Variants in RBFOX1 observed in about 807,000 individuals in gnomAD.
RBFOX1 encodes the protein RNA binding protein fox-1 homolog 1.
A neutral mutation model predicts 57.7 loss-of-function variants in RBFOX1; 8 were observed. The ratio of observed to expected loss-of-function variants is 0.14; its 90% confidence interval spans 0.08 to 0.25. The LOEUF (loss-of-function observed/expected upper bound fraction) is 0.25. RBFOX1 is among the 10% of genes least tolerant of loss of function. The pLI, the probability that RBFOX1 is intolerant of heterozygous loss-of-function variation, is 1.00. For missense variants in RBFOX1, 611 were observed against 548.5 expected (o/e 1.11, Z -1.14); for synonymous variants, 326 against 222.4 (o/e 1.47, Z -4.15).
rs535597374 is a variant in RBFOX1 at position 7,379,538 on chromosome 16, T to C, written c.28-138609T>C. ...AAAATACACTGGAGTTTTAGTACTT[T>C]CTGCTGTCCAGAAATGCATACATAT... On this transcript the variant is annotated intron_variant, in intron 4 of 15. Transcript: ENST00000550418. Among the ~76,000 whole-genome samples the C allele has an allele frequency of 3.9e-5, 6 of 152,352 alleles. No individual in the cohort carries two copies. The East Asian group carries it at 9.7e-4, about 25-fold the overall frequency.
chr16:5,893,334 A>G, intron 4 of RBFOX1, among the ~76,000 whole-genome samples: 1 of 152,244 alleles, frequency 6.6e-6, no homozygotes, highest in East Asian at 1.9e-4. Flanking sequence ...GAAAGAATGA[A>G]TAAGACCTAG....
intron 1 of RBFOX1, among the ~76,000 whole-genome samples, chr16:6,224,608 G>A (rs972536348): frequency 3.3e-5 from 5 of 152,118 alleles, no homozygotes; most frequent in African/African-American, 9.7e-5. Flanking sequence ...CACCTGCTAG[G>A]TCTGCGTATT....
intron 4 of RBFOX1, among the ~76,000 whole-genome samples, chr16:7,319,899 G>C (rs1178194016): frequency 6.6e-6 from 1 of 152,110 alleles, no homozygotes; most frequent in Non-Finnish European, 1.5e-5. Flanking sequence ...CTTGTTAAAA[G>C]ACTGGATGAG....
chr16:7,679,607 CT>C (rs911056481), intron 14 of RBFOX1, among the ~76,000 whole-genome samples: 1 of 152,016 alleles, frequency 6.6e-6, no homozygotes, highest in Non-Finnish European at 1.5e-5. Flanking sequence ...AGGATTTTAC[CT>C]TTTTTCAGCA....
At chr16:7,059,353 C>A (rs1037991378) in intron 4 of RBFOX1, among the ~76,000 whole-genome samples, 1 of 152,118 alleles carries the variant, frequency 6.6e-6, no homozygotes, top group South Asian at 2.1e-4. Context: ...TAGGATGGTT[C>A]GTTGTAGAAA....
intron 2 of RBFOX1, among the ~76,000 whole-genome samples, chr16:6,343,012 A>G (rs1273669119): frequency 2.0e-5 from 3 of 151,954 alleles, no homozygotes; most frequent in Non-Finnish European, 4.4e-5. Context: ...TTGATACGAA[A>G]CTCCATCTGA....
At chr16:6,708,748 C>A (rs149364842) in intron 3 of RBFOX1, among the ~76,000 whole-genome samples, 4 of 152,298 alleles carry the variant, frequency 2.6e-5, no homozygotes, top group African/African-American at 9.6e-5. Flanking sequence ...TCAACTCAGG[C>A]GTCCCTTCGA....
chr16:5,459,017 A>C (rs2068713301), intron 1 of RBFOX1, among the ~76,000 whole-genome samples: 4 of 152,134 alleles, frequency 2.6e-5, no homozygotes, highest in Admixed American at 6.5e-5. Flanking sequence ...GTGATGTTCC[A>C]TATCCCATAT....
Position 7,594,160 on chromosome 16 carries a change from G to A in RBFOX1, c.469-1389G>A, listed in dbSNP as rs137978021. ...CCCGTGACAGGCCCTGGTGTGTGAT[G>A]TTCCCCGCCCTGTGGTCAATACCTC... On this transcript the variant is annotated intron_variant, in intron 7 of 15. Transcript: ENST00000550418. Among the ~76,000 whole-genome samples the A allele has an allele frequency of 5.4e-3, 818 of 150,608 alleles. 9 individuals are homozygous for A. Among genetic ancestry groups the A allele is most frequent in the African/African-American group, 0.019 (776 of 41,084 alleles).
At chr16:6,351,368 A>ATTTTTTTTTTTTTTTTTTTTTTTT (rs1358836868) in intron 2 of RBFOX1, among the ~76,000 whole-genome samples, 1 of 103,858 alleles carries the variant, frequency 9.6e-6, no homozygotes. Flanking sequence ...ATATATATAT[A>ATTTTTTTTTTTTTTTTTTTTTTTT]TATATTTTTT....
chr16:5,493,390 C>T (rs1318894201), intron 2 of RBFOX1, among the ~76,000 whole-genome samples: 2 of 152,074 alleles, frequency 1.3e-5, no homozygotes, highest in East Asian at 1.9e-4. Flanking sequence ...TAAGACAAAC[C>T]CTCCGCACCC....
chr16:7,389,384 C>T (rs1438965035), intron 4 of RBFOX1, among the ~76,000 whole-genome samples: 2 of 152,158 alleles, frequency 1.3e-5, no homozygotes, highest in African/African-American at 2.4e-5. Flanking sequence ...CCTCAGCCTC[C>T]CAAAGCACTT....
At chr16:6,916,105 G>A (rs182909277) in intron 3 of RBFOX1, among the ~76,000 whole-genome samples, 25 of 152,216 alleles carry the variant, frequency 1.6e-4, no homozygotes, top group Admixed American at 7.2e-4. Flanking sequence ...GGGCATAAGC[G>A]CTGTGTACAA....
intron 3 of RBFOX1, among the ~76,000 whole-genome samples, chr16:6,794,412 C>T (rs965291801): frequency 2.0e-5 from 3 of 151,258 alleles, no homozygotes; most frequent in African/African-American, 7.3e-5. Context: ...TAATTACCTG[C>T]TGCTTTTCTA....
intron 1 of RBFOX1, among the ~76,000 whole-genome samples, chr16:6,249,763 AT>A (rs997293806): frequency 3.7e-4 from 34 of 90,672 alleles, no homozygotes; most frequent in African/African-American, 1.3e-3. Flanking sequence ...TCAGCTTCAC[AT>A]TTTTTTTCTT....
At chr16:6,371,195 G>A (rs932585848) in intron 2 of RBFOX1, among the ~76,000 whole-genome samples, 2 of 152,058 alleles carry the variant, frequency 1.3e-5, no homozygotes, top group South Asian at 2.1e-4. Context: ...TGGGAGGAAT[G>A]GTTTTAGACT....
At chr16:7,417,550 G>T (rs974023418) in intron 4 of RBFOX1, among the ~76,000 whole-genome samples, 1 of 151,880 alleles carries the variant, frequency 6.6e-6, no homozygotes. Context: ...GTGTGTGTGT[G>T]TGTGTGTGTG....
intron 3 of RBFOX1, among the ~76,000 whole-genome samples, chr16:5,652,583 C>G (rs2049276669): frequency 2.0e-5 from 3 of 152,224 alleles, no homozygotes. Context: ...GACCTCCACT[C>G]CAGAAGTCTT....
At chr16:7,528,312 C>A (rs375403127) in intron 5 of RBFOX1, among the ~76,000 whole-genome samples, 55 of 152,296 alleles carry the variant, frequency 3.6e-4, no homozygotes, top group African/African-American at 1.3e-3. Flanking sequence ...TTTACCCACT[C>A]AGGATGACTA....
Sources: gnomAD v4.1 joint callset for allele counts (sites outside exome capture counted in the v4.1 genomes callset) on GRCh38, gnomAD v4.1.1 for gene constraint, MANE v1.5 for transcripts, NCBI Gene and HGNC (gene_info 2026-07-23, HGNC 2026-07-21) for gene names.